The following SLC27A6 variants were observed in gnomAD, a reference collection of about 807,000 sequenced individuals.
SLC27A6 encodes the protein long-chain fatty acid transport protein 6.
A neutral mutation model predicts 63.9 loss-of-function variants in SLC27A6; 74 were observed. The ratio of observed to expected loss-of-function variants is 1.16; its 90% CI spans 0.96 to 1.40. The LOEUF is 1.40. Ranked by LOEUF, SLC27A6 falls within the 40% of genes most tolerant of loss-of-function variation. The pLI is 0.00. For synonymous variants in SLC27A6, 287 were observed against 260.8 expected (o/e 1.10, Z -0.97); for missense variants, 794 against 732.9 (o/e 1.08, Z -0.96).
chr5:128,968,597 T>G (rs28850109), intron 1 of SLC27A6, among the ~76,000 whole-genome samples: 12,617 of 152,188 alleles, frequency 0.083, 1,279 homozygotes, highest in East Asian at 0.56. Flanking sequence ...TTGCCCACTT[T>G]TTGATGGGGT....
chr5:128,975,188 T>G (rs1325418391), intron 1 of SLC27A6, among the ~76,000 whole-genome samples: 1 of 152,166 alleles, frequency 6.6e-6, no homozygotes, highest in East Asian at 1.9e-4. Context: ...CCGTCTCTAC[T>G]AAAAATACAA....
chr5:129,026,471 T>C (rs1752249097), intron 6 of SLC27A6, among the ~76,000 whole-genome samples: 1 of 152,168 alleles, frequency 6.6e-6, no homozygotes, highest in Admixed American at 6.6e-5. Flanking sequence ...CATCAAAAAT[T>C]TCCAGAATAG....
At chr5:128,972,760 C>A (rs1226482334) in intron 1 of SLC27A6, among the ~76,000 whole-genome samples, 1 of 152,176 alleles carries the variant, frequency 6.6e-6, no homozygotes, top group African/African-American at 2.4e-5. Context: ...CTTCTGAAGC[C>A]TGCTTCTGTC....
At chr5:129,027,676 T>C (rs1486897764) in intron 7 of SLC27A6, among the ~76,000 whole-genome samples, 1 of 152,084 alleles carries the variant, frequency 6.6e-6, no homozygotes, top group African/African-American at 2.4e-5. Context: ...ATGATAAAAA[T>C]TTTGAAGCAG....
chr5:129,026,985 T>C, intron 6 of SLC27A6, 148 bp from the exon 7 acceptor site: 1 of 638,928 alleles, frequency 1.6e-6, no homozygotes, highest in East Asian at 2.7e-5. Flanking sequence ...GCACCAAGGG[T>C]AAATGATGTC....
At chr5:128,967,600 T>C (rs1425213408) in intron 1 of SLC27A6, among the ~76,000 whole-genome samples, 1 of 152,184 alleles carries the variant, frequency 6.6e-6, no homozygotes, top group African/African-American at 2.4e-5. Flanking sequence ...TATAGAACTT[T>C]TCAAATAACC....
chr5:129,003,967 CA>C lies in SLC27A6; in HGVS notation c.970-11897del, dbSNP rs779667758. Among the ~76,000 whole-genome samples the C allele has an allele frequency of 4.9e-3, 343 of 69,406 alleles. 1 individual carries two copies. The highest frequency in any genetic ancestry group is 6.4e-3 in the Middle Eastern group (1 of 156). The allele number at this position is 69,406 out of a possible 152,430, so 45.5% of individuals were successfully genotyped here. On this transcript the variant is annotated intron_variant, in intron 4 of 9. Transcript: ENST00000262462. ...TGGGTGACACAGTGAGACCCTGTCTCAAAAAAAAAAAAAAAAAAAAAGAACC... is the reference window on the plus strand; with the variant it reads ...TGGGTGACACAGTGAGACCCTGTCTCAAAAAAAAAAAAAAAAAAAAGAACC...
chr5:128,966,740 A>G (rs1048100124), intron 1 of SLC27A6, 122 bp downstream of exon 1: 1 of 977,532 alleles, frequency 1.0e-6, no homozygotes, highest in Non-Finnish European at 1.4e-6. Context: ...GCATGTTAAG[A>G]GTACAAAATA....
At position 128,966,525 on chromosome 5, in the gene SLC27A6, T is replaced by G; in HGVS notation, c.388T>G (p.Cys130Gly). 1 of 1,599,896 alleles carries G rather than the reference T, an allele frequency of 6.3e-7. No individual in the cohort carries two copies. The highest frequency in any genetic ancestry group is 2.2e-5 in the East Asian group (1 of 44,830). Residue 130 changes from cysteine to glycine, a missense_variant, in exon 1 of 10, where the codon TGC becomes GGC. Cys to Gly is a radical substitution (Grantham distance 159). Coordinates refer to ENST00000262462, the MANE Select transcript of SLC27A6 (RefSeq NM_001017372.3). ...HVWFGLAKLG[C>G]VVAFLNTNIR... is the part of the protein sequence containing the mutation. ...GTGGTTCGGCCTCGCCAAGCTGGGCTGCGTGGTGGCCTTTCTCAACACCAA... is the reference window on the plus strand; with the variant it reads ...GTGGTTCGGCCTCGCCAAGCTGGGCGGCGTGGTGGCCTTTCTCAACACCAA...
At chr5:128,995,917 A>T (rs1436851793) in intron 4 of SLC27A6, among the ~76,000 whole-genome samples, 1 of 152,192 alleles carries the variant, frequency 6.6e-6, no homozygotes, top group African/African-American at 2.4e-5. Context: ...ATAGGAAGTG[A>T]AGGAATGGGT....
intron 4 of SLC27A6, among the ~76,000 whole-genome samples, chr5:128,997,439 G>GA (rs1751197169): frequency 6.6e-6 from 1 of 152,144 alleles, no homozygotes; most frequent in Non-Finnish European, 1.5e-5. Flanking sequence ...TAAGCTGCCA[G>GA]AAACTCTTTT....
intron 5 of SLC27A6, among the ~76,000 whole-genome samples, chr5:129,020,455 C>T (rs550983031): frequency 6.6e-6 from 1 of 151,628 alleles, no homozygotes; most frequent in Non-Finnish European, 1.5e-5. Flanking sequence ...TAAAACCTGA[C>T]AATGTAAAAA....
At chr5:128,967,414 CAG>C (rs1749947311) in intron 1 of SLC27A6, among the ~76,000 whole-genome samples, 4 of 152,188 alleles carry the variant, frequency 2.6e-5, no homozygotes, top group South Asian at 2.1e-4. Context: ...ATGGTTTATG[CAG>C]AGTCTTCTTC....
intron 1 of SLC27A6, among the ~76,000 whole-genome samples, chr5:128,984,912 G>A (rs1306110149): frequency 6.6e-6 from 1 of 152,166 alleles, no homozygotes; most frequent in Non-Finnish European, 1.5e-5. Context: ...GTCTGAATTG[G>A]ACTGCTTGCA....
intron 6 of SLC27A6, among the ~76,000 whole-genome samples, chr5:129,026,845 C>T (rs77264954): frequency 0.024 from 3,582 of 152,084 alleles, 144 homozygotes; most frequent in African/African-American, 0.082. Context: ...CAAAAATAGC[C>T]GTTGGTCTAT....
At chr5:129,029,546 A>G (rs1168486620) in intron 8 of SLC27A6, 31 bp from the exon 9 acceptor site, 2 of 1,484,684 alleles carry the variant, frequency 1.3e-6, no homozygotes. Flanking sequence ...TTTGGTACTT[A>G]AAAATGACTC....
At position 128,996,961 on chromosome 5, in the gene SLC27A6, A is replaced by G. The variant is rs568989464; in HGVS notation, c.969+6497A>G. On this transcript the variant is annotated intron_variant, in intron 4 of 9. Transcript: ENST00000262462. ...CTTTGTACCTGGTTAAGTGCATTCT[A>G]TTTATTCTTTTTTCTTTATTGAAAA... Among the ~76,000 whole-genome samples the G allele has an allele frequency of 7.2e-5, 11 of 152,184 alleles. No individual in the cohort carries two copies. In the East Asian group the frequency reaches 1.3e-3, roughly 19 times the overall value.
At chr5:129,027,003 GA>G in intron 6 of SLC27A6, 129 bp from the exon 7 acceptor site, 1 of 709,020 alleles carries the variant, frequency 1.4e-6, no homozygotes. Flanking sequence ...GTCAAATACA[GA>G]AATAGGTTCA....
At chr5:128,982,633 C>A (rs893728052) in intron 1 of SLC27A6, among the ~76,000 whole-genome samples, 12 of 152,164 alleles carry the variant, frequency 7.9e-5, no homozygotes, top group Non-Finnish European at 1.5e-4. Context: ...GAGAAAGAGT[C>A]ATTACAACAA....
Sources: allele counts gnomAD v4.1 joint callset (sites outside exome capture counted in the v4.1 genomes callset), GRCh38; gene constraint gnomAD v4.1.1; transcripts MANE v1.5; gene names NCBI Gene and HGNC (gene_info 2026-07-23, HGNC 2026-07-21).